Variants in CHD7 observed in about 807,000 individuals in gnomAD.
CHD7 encodes chromodomain helicase DNA binding protein 7, also known as ATP-dependent chromatin remodeler CHD7.
A neutral mutation model predicts 307.3 loss-of-function variants in CHD7; 24 were observed. That is an observed-to-expected ratio of 0.08 (90% CI 0.06 to 0.11). The LOEUF (loss-of-function observed/expected upper bound fraction) is 0.11, where lower values mean the gene tolerates loss of function less well. Ranked by LOEUF, CHD7 falls within the 10% of genes least tolerant of loss-of-function variation. The pLI, the probability that CHD7 is intolerant of heterozygous loss-of-function variation, is 1.00. For missense variants in CHD7, 3,106 were observed against 3,727.1 expected (o/e 0.83, Z 4.34); for synonymous variants, 1,363 against 1,349.9 (o/e 1.01, Z -0.21).
At chr8:60,802,347 A>G (rs1049121016) in intron 6 of CHD7, among the ~76,000 whole-genome samples, 1 of 152,218 alleles carries the variant, frequency 6.6e-6, no homozygotes, top group Non-Finnish European at 1.5e-5. Flanking sequence ...GAATAATTAC[A>G]TAAACCTGCA....
chr8:60,805,664 G>A (rs911167410), intron 6 of CHD7, among the ~76,000 whole-genome samples: 1 of 152,178 alleles, frequency 6.6e-6, no homozygotes, highest in African/African-American at 2.4e-5. Context: ...ATTTGATCCT[G>A]TATGTGTTGG....
At chr8:60,825,715 T>C (rs375947394) in intron 13 of CHD7, among the ~76,000 whole-genome samples, 5 of 152,254 alleles carry the variant, frequency 3.3e-5, no homozygotes, top group Non-Finnish European at 2.9e-5. Flanking sequence ...ACTGAACTTA[T>C]CTGAGTTGTG....
At chr8:60,810,997 A>C (rs550152182) in intron 7 of CHD7, among the ~76,000 whole-genome samples, 17 of 152,274 alleles carry the variant, frequency 1.1e-4, no homozygotes, top group Admixed American at 9.8e-4. Flanking sequence ...CATGCGAAGG[A>C]TCTAGGTTTT....
chr8:60,729,923 A>T (rs980114317), intron 1 of CHD7, among the ~76,000 whole-genome samples: 1 of 152,324 alleles, frequency 6.6e-6, no homozygotes, highest in South Asian at 2.1e-4. Context: ...TACAAGTTAG[A>T]TTGCTGTCCT....
chr8:60,795,036 A>C lies in CHD7; in HGVS notation c.2147A>C (p.Lys716Thr), dbSNP rs777635988. The part of the protein sequence containing the change: ...EASALKKKVN[K>T]GKTEGSENSD... ...AGTGCTTTGAAGAAAAAGGTCAACA[A>C]GGGAAAAACAGAAGGTTCTGAAAAT... Residue 716 changes from lysine to threonine, a missense_variant, in exon 4 of 38, where the codon AAG becomes ACG. Around this residue, in one of 10 missense-constraint regions of CHD7, gnomAD observed 998 missense variants for 1,004.5 expected, o/e 0.99. Transcript: ENST00000423902. The C allele has an allele frequency of 9.9e-6, 16 of 1,613,714 alleles. No individual in the cohort carries two copies. Among genetic ancestry groups the C allele is most frequent in the Non-Finnish European group, 1.4e-5 (16 of 1,179,784 alleles).
Position 60,841,732 on chromosome 8 carries a change from A to T in CHD7, c.4622A>T (p.Asp1541Val). 1 of 1,607,902 alleles carries T rather than the reference A, an allele frequency of 6.2e-7. No individual in the cohort carries two copies. The highest frequency in any genetic ancestry group is 8.5e-7 in the Non-Finnish European group (1 of 1,174,584). Residue 1541 changes from aspartate to valine, a missense_variant, in exon 20 of 38, where the codon GAT becomes GTT. Transcript: ENST00000423902. ...AAGTGGGCTAAGAAGGCTGAATTGG[A>T]TATTGATGCCTTAAATGGGAGGGTG... Reference protein sequence around the residue: ...WQKWAKKAELDIDALNGRNNL... With the variant: ...WQKWAKKAELVIDALNGRNNL...
intron 13 of CHD7, among the ~76,000 whole-genome samples, chr8:60,827,509 G>A (rs972808285): frequency 1.3e-5 from 2 of 152,090 alleles, no homozygotes; most frequent in Non-Finnish European, 2.9e-5. Flanking sequence ...GTATGTCAGC[G>A]ATTGTGGCCC....
intron 2 of CHD7, among the ~76,000 whole-genome samples, chr8:60,775,691 C>A (rs2150656938): frequency 6.6e-6 from 1 of 152,320 alleles, no homozygotes; most frequent in African/African-American, 2.4e-5. Flanking sequence ...GTCTCCAGTG[C>A]CCCCTTTCCT....
At chr8:60,791,524 G>A (rs6982898) in intron 3 of CHD7, among the ~76,000 whole-genome samples, 121,471 of 152,226 alleles carry the variant, frequency 0.8, 48,647 homozygotes, top group East Asian at 0.94. Flanking sequence ...CTTTTCATAC[G>A]TTCCAGCTTC....
intron 2 of CHD7, among the ~76,000 whole-genome samples, chr8:60,773,053 C>T (rs1193715970): frequency 6.6e-6 from 1 of 152,212 alleles, no homozygotes; most frequent in African/African-American, 2.4e-5. Flanking sequence ...GCAACAATAT[C>T]ACCCACCTCA....
intron 1 of CHD7, among the ~76,000 whole-genome samples, chr8:60,713,049 C>CAAAAA (rs373922396): frequency 4.9e-5 from 5 of 102,150 alleles, no homozygotes; most frequent in African/African-American, 7.8e-5. Context: ...AACTCTGTCT[C>CAAAAA]AAAAAAAAAA....
chr8:60,828,499 A>C (rs547649874), intron 13 of CHD7, among the ~76,000 whole-genome samples, 164 bp from the exon 14 acceptor site: 6 of 152,342 alleles, frequency 3.9e-5, no homozygotes, highest in African/African-American at 1.4e-4. Flanking sequence ...TGTCTACCTG[A>C]CACAGAAATC....
intron 2 of CHD7, among the ~76,000 whole-genome samples, chr8:60,779,239 T>C (rs1811089951): frequency 6.6e-6 from 1 of 152,188 alleles, no homozygotes; most frequent in Non-Finnish European, 1.5e-5. Flanking sequence ...TTTTCCCAGA[T>C]GATATAGCTG....
intron 2 of CHD7, among the ~76,000 whole-genome samples, chr8:60,763,502 A>T (rs531014343): frequency 6.6e-6 from 1 of 152,208 alleles, no homozygotes; most frequent in African/African-American, 2.4e-5. Flanking sequence ...GATGACTGCC[A>T]TGTCTCTTGC....
Position 60,820,075 on chromosome 8 carries a change from A to G in CHD7, c.2682A>G (p.Thr894=). 6.2e-7 allele frequency: 1 copy of G among 1,608,342 alleles called. No homozygotes were observed. Among genetic ancestry groups the G allele is most frequent in the Non-Finnish European group, 8.5e-7 (1 of 1,176,546 alleles). The change falls in exon 9 of 38, where the codon ACA becomes ACG. Residue 894 remains threonine, a synonymous_variant. Coordinates refer to ENST00000423902, the MANE Select transcript of CHD7 (RefSeq NM_017780.4). Reference sequence around the variant, plus strand: ...GGATAATGGACTTTGCACGTAGCACAGATGACCGGGGAGAGGTAACAGGAG... The same window carrying G: ...GGATAATGGACTTTGCACGTAGCACGGATGACCGGGGAGAGGTAACAGGAG... The part of the protein sequence containing the change: ...VDRIMDFARS[T]DDRGEPVTHY...
rs142137728 is a variant in CHD7, at chr8:60,842,936, C to T, written c.4850+884C>T. Among the ~76,000 whole-genome samples, 22 of 152,280 alleles carry T rather than the reference C, an allele frequency of 1.4e-4. No individual in the cohort carries two copies. In the East Asian group the frequency reaches 4.2e-3, roughly 29 times the overall value. ...ACGCTCCATCTCATCTGTGTCTTTG[C>T]ACAAGCTCTTCCCACTGCCTAGAGG... is the stretch of plus-strand genomic sequence containing the variant. On this transcript the variant is annotated intron_variant, in intron 21 of 37. Transcript: ENST00000423902.
At chr8:60,775,785 T>C (rs972607556) in intron 2 of CHD7, among the ~76,000 whole-genome samples, 3 of 152,092 alleles carry the variant, frequency 2.0e-5, no homozygotes, top group Admixed American at 1.3e-4. Flanking sequence ...TGAAACGGAG[T>C]CTTGCTCTGT....
At chr8:60,719,641 T>C (rs1399127223) in intron 1 of CHD7, among the ~76,000 whole-genome samples, 3 of 152,192 alleles carry the variant, frequency 2.0e-5, no homozygotes, top group Non-Finnish European at 4.4e-5. Flanking sequence ...ACAAAGCACA[T>C]TCTGCACCTG....
chr8:60,851,128 T>C (rs1393657071), intron 27 of CHD7, 24 bp downstream of exon 27: 1 of 1,532,558 alleles, frequency 6.5e-7, no homozygotes, highest in East Asian at 2.4e-5. Flanking sequence ...TATATTGGCT[T>C]TTATAGCTCC....
Sources: allele counts gnomAD v4.1 joint callset (sites outside exome capture counted in the v4.1 genomes callset), GRCh38; gene constraint gnomAD v4.1.1; regional missense constraint gnomAD v4.1.1; transcripts MANE v1.5; gene names NCBI Gene and HGNC (gene_info 2026-07-23, HGNC 2026-07-21).